The following ELAC2 variants were observed in gnomAD, a reference collection of about 807,000 sequenced individuals.
ELAC2 encodes zinc phosphodiesterase ELAC protein 2.
A neutral mutation model predicts 105.2 loss-of-function variants in ELAC2; 92 were observed. The ratio of observed to expected loss-of-function variants is 0.87; its 90% CI spans 0.74 to 1.04. The LOEUF (loss-of-function observed/expected upper bound fraction) is 1.04, where lower values mean the gene tolerates loss of function less well. Among genes scored for constraint, ELAC2 ranks in the 50% least tolerant of loss-of-function variants. The pLI is 0.00. For synonymous variants in ELAC2, 468 were observed against 409.1 expected (o/e 1.14, Z -1.74); for missense variants, 1,099 against 1,071.7 (o/e 1.03, Z -0.36).
intron 12 of ELAC2, 78 bp from the exon 13 acceptor site, chr17:13,002,657 G>A (rs984679804): frequency 1.3e-6 from 2 of 1,549,416 alleles, no homozygotes; most frequent in African/African-American, 1.4e-5. Flanking sequence ...GAGCTCAGGA[G>A]TGGTAATGAG....
At chr17:13,001,808 T>C (rs56338821) in intron 14 of ELAC2, among the ~76,000 whole-genome samples, 40,626 of 152,098 alleles carry the variant, frequency 0.27, 5,664 homozygotes, top group Middle Eastern at 0.33. Flanking sequence ...ATAAAAATCT[T>C]GTTACTTAAG....
At position 13,003,515 on chromosome 17, in the gene ELAC2, A is replaced by T. The variant is rs758891647; in HGVS notation, c.1043T>A (p.Val348Glu). The change falls in exon 12 of 24, where the codon GTG becomes GAG. Residue 348 changes from valine to glutamate, a missense_variant. Physicochemically the swap from Val to Glu is moderately radical, Grantham distance 121 (BLOSUM62 -2). Coordinates refer to ENST00000338034, the MANE Select transcript of ELAC2 (RefSeq NM_018127.7). ...ALVVHMAPASVLVDSRYQQWM... is the reference protein window; with the variant it reads ...ALVVHMAPASELVDSRYQQWM... ...CTGCTGGTACCTGCTGTCCACAAGC[A>T]CAGATGCTGGGGCCATGTGAACCAC... The T allele has an allele frequency of 1.9e-6, 3 of 1,613,990 alleles. No homozygotes were observed. Among genetic ancestry groups the T allele is most frequent in the Non-Finnish European group, 2.5e-6 (3 of 1,180,016 alleles).
At chr17:12,993,100 C>T (rs2040275514) in intron 23 of ELAC2, 55 bp from the exon 24 acceptor site, 1 of 1,565,252 alleles carries the variant, frequency 6.4e-7, no homozygotes, top group East Asian at 2.2e-5. Context: ...GGGTGGGGGA[C>T]AGGAGCTGGA....
chr17:13,003,490 C>T lies in ELAC2; in HGVS notation c.1068G>A (p.Gln356=), dbSNP rs779393334. ...ASVLVDSRYQ[Q]WMERFGPDTQ... ...GCTGGGCTCCATACCTCTCCATCCA[C>T]TGCTGGTACCTGCTGTCCACAAGCA... Residue 356 remains glutamine (Q), a synonymous_variant, in exon 12 of 24, where the codon CAG becomes CAA. Transcript: ENST00000338034. 6.2e-7 allele frequency: 1 copy of T among 1,614,194 alleles called. No homozygotes were observed. The highest frequency in any genetic ancestry group is 1.1e-5 in the South Asian group (1 of 91,086).
intron 15 of ELAC2, 33 bp downstream of exon 15, chr17:13,000,123 G>C (rs766134149): frequency 1.9e-6 from 3 of 1,592,652 alleles, no homozygotes; most frequent in African/African-American, 2.7e-5. Context: ...CAGAGCCCAG[G>C]AAAGAAAGGC....
chr17:12,999,282 C>T (rs1567749887), intron 15 of ELAC2, among the ~76,000 whole-genome samples: 1 of 152,240 alleles, frequency 6.6e-6, no homozygotes, highest in South Asian at 2.1e-4. Context: ...GCATCCAGCT[C>T]TCACTGCAAG....
At chr17:13,015,611 T>C (rs1246813620) in intron 4 of ELAC2, among the ~76,000 whole-genome samples, 157 bp downstream of exon 4, 1 of 152,236 alleles carries the variant, frequency 6.6e-6, no homozygotes, top group East Asian at 1.9e-4. Context: ...GTCACATAGT[T>C]AATCAGAACT....
rs779199302 is a variant in ELAC2, at chr17:12,998,407, C to T, written c.1520+5G>A. The T allele has an allele frequency of 6.2e-7, 1 of 1,613,724 alleles. No homozygotes were observed. Among genetic ancestry groups the T allele is most frequent in the Non-Finnish European group, 8.5e-7 (1 of 1,179,600 alleles). ...GGAAGGATGCTTCCTGGGAAAGCAG[C>T]ATACCTTATGTTGACAAGTGTGGCA... On this transcript the variant is annotated splice_donor_5th_base_variant and intron_variant, in intron 16 of 23. Coordinates refer to ENST00000338034, the MANE Select transcript of ELAC2 (RefSeq NM_018127.7).
chr17:13,016,089 G>A (rs1041357714), intron 3 of ELAC2, among the ~76,000 whole-genome samples: 12 of 152,198 alleles, frequency 7.9e-5, no homozygotes, highest in African/African-American at 2.9e-4. Context: ...CAAAATGTAA[G>A]GAATCATGCA....
intron 1 of ELAC2, 183 bp downstream of exon 1, chr17:13,017,520 T>A (rs1031832027): frequency 8.0e-7 from 1 of 1,253,264 alleles, no homozygotes; most frequent in African/African-American, 1.5e-5. Context: ...TCTTCACAGA[T>A]CCGCAGAAAT....
intron 15 of ELAC2, 53 bp downstream of exon 15, chr17:13,000,103 G>T: frequency 6.5e-7 from 1 of 1,546,074 alleles, no homozygotes. Flanking sequence ...TAGGAAAACA[G>T]CAGCAGGGGC....
intron 6 of ELAC2, among the ~76,000 whole-genome samples, chr17:13,012,279 G>C (rs557871841): frequency 1.3e-5 from 2 of 152,298 alleles, no homozygotes; most frequent in South Asian, 4.2e-4. Context: ...TGTTAACATC[G>C]ATCACGCAAA....
At chr17:13,013,308 G>A in intron 5 of ELAC2, 33 bp from the exon 6 acceptor site, 1 of 1,591,432 alleles carries the variant, frequency 6.3e-7, no homozygotes, top group Non-Finnish European at 8.6e-7. Flanking sequence ...CAAAGTGATT[G>A]CATTAGTGAA....
At position 12,992,153 on chromosome 17, in the gene ELAC2, A is replaced by T. The variant is rs566470270; in HGVS notation, c.*665T>A. ...TTGATTGATTGATTGATTGATTGAT[A>T]GAGAAAGCACGCCCTGCTGTGAGCT... On this transcript the variant is annotated 3_prime_UTR_variant, in exon 24 of 24. Coordinates refer to ENST00000338034, the MANE Select transcript of ELAC2 (RefSeq NM_018127.7). 7.3e-5 allele frequency among the ~76,000 whole-genome samples: 11 copies of T among 150,254 alleles called. No individual in the cohort carries two copies. The highest frequency in any genetic ancestry group is 3.3e-4 in the Admixed American group (5 of 15,122).
chr17:13,001,500 TAAATAAATAAATA>T (rs1161905918), intron 14 of ELAC2, among the ~76,000 whole-genome samples: 1 of 151,430 alleles, frequency 6.6e-6, no homozygotes, highest in Non-Finnish European at 1.5e-5. Context: ...CTCAAAAAAA[TAAATAAATAAATA>T]AAATAAATAA....
chr17:13,000,179 G>A lies in ELAC2; in HGVS notation c.1400C>T (p.Ala467Val), dbSNP rs749460308. The A allele has an allele frequency of 4.3e-6, 7 of 1,613,712 alleles. No homozygotes were observed. The highest frequency in any genetic ancestry group is 4.0e-5 in the African/African-American group (3 of 74,918). The change falls in exon 15 of 24, where the codon GCG becomes GTG. Residue 467 changes from alanine (A) to valine (V), a missense_variant. Physicochemically the swap from Ala to Val is moderately conservative, Grantham distance 64. Transcript: ENST00000338034. ...QQSVQEYRRS[A>V]QDGPAPAEKR... ...ACCTGCTGGGGCTGGGCCGTCCTGC[G>A]CACTCCTCCTGTACTCCTGCACGCT...
Position 12,996,641 on chromosome 17 carries a change from C to T in ELAC2, c.1565G>A (p.Gly522Glu). Reference protein sequence around the residue: ...LLLDCGEGTFGQLCRHYGDQV... With the variant: ...LLLDCGEGTFEQLCRHYGDQV... ...GTCTCCGTAATGACGGCACAGCTGCCCAAATGTGCCCTCACCACAGTCCAG... is the reference window on the plus strand; with the variant it reads ...GTCTCCGTAATGACGGCACAGCTGCTCAAATGTGCCCTCACCACAGTCCAG... The change falls in exon 17 of 24, where the codon GGG (glycine) becomes GAG (glutamate). Residue 522 changes from glycine (G) to glutamate (E), a missense_variant. Gly to Glu is a moderately conservative substitution (Grantham distance 98). Coordinates refer to ENST00000338034, the MANE Select transcript of ELAC2 (RefSeq NM_018127.7). The T allele has an allele frequency of 1.9e-6, 3 of 1,614,004 alleles. No homozygotes were observed. Among genetic ancestry groups the T allele is most frequent in the Non-Finnish European group, 8.5e-7 (1 of 1,180,014 alleles).
chr17:12,992,873 T>A lies in ELAC2; in HGVS notation c.2426A>T (p.Gln809Leu), dbSNP rs922510869. The A allele has an allele frequency of 1.4e-5, 22 of 1,605,570 alleles. No individual in the cohort carries two copies. Among genetic ancestry groups the A allele is most frequent in the Non-Finnish European group, 1.7e-5 (20 of 1,173,412 alleles). ...LAGGLEDGEP[Q>L]QKRAHTEEPQ... ...CTCCTCTGTGTGGGCCCGCTTCTGC[T>A]GAGGCTCCCCATCCTCCAGGCCGCC... Residue 809 changes from glutamine (Q) to leucine (L), a missense_variant, in exon 24 of 24, where the codon CAG becomes CTG. By Grantham distance (113) the Gln-to-Leu change is moderately radical. Transcript: ENST00000338034.
intron 16 of ELAC2, 122 bp downstream of exon 16, chr17:12,998,290 C>T (rs906818400): frequency 1.3e-5 from 13 of 969,214 alleles, no homozygotes; most frequent in Non-Finnish European, 2.0e-5. Flanking sequence ...ACACTCCAGT[C>T]GACATGACAA....
Sources: allele counts gnomAD v4.1 joint callset (sites outside exome capture counted in the v4.1 genomes callset), GRCh38; gene constraint gnomAD v4.1.1; transcripts MANE v1.5; gene names NCBI Gene and HGNC (gene_info 2026-07-23, HGNC 2026-07-21).